Variants in BLTP3A observed in about 807,000 individuals in gnomAD.
BLTP3A encodes the protein ICBP90 binding protein 1.
chr6:34,872,322 C>T, the BLTP3A span: 1 of 1,606,148 alleles, frequency 6.2e-7, no homozygotes. Context: ...GGTGAAAGAA[C>T]TGCCTATCCT....
the BLTP3A span, among the ~76,000 whole-genome samples, chr6:34,824,510 A>G: frequency 6.8e-6 from 1 of 148,076 alleles, no homozygotes; most frequent in Non-Finnish European, 1.5e-5. Context: ...GTGAGCCGAG[A>G]TCGCGCCATT....
chr6:34,858,568 C>G, the BLTP3A span: 3 of 1,614,212 alleles, frequency 1.9e-6, no homozygotes, highest in Non-Finnish European at 2.5e-6. Context: ...GCAGCAAGCC[C>G]AGGCACGGAA....
the BLTP3A span, among the ~76,000 whole-genome samples, chr6:34,860,937 C>G: frequency 1.3e-5 from 2 of 152,154 alleles, no homozygotes; most frequent in African/African-American, 4.8e-5. Context: ...TCCTCAGTCC[C>G]CCTTCTCCTG....
chr6:34,845,405 C>T, the BLTP3A span, among the ~76,000 whole-genome samples: 1,293 of 152,006 alleles, frequency 8.5e-3, 18 homozygotes, highest in African/African-American at 0.027. Context: ...CCCATTTCTG[C>T]GAAGAATATC....
At chr6:34,792,175 G>C in the BLTP3A span, 1 of 1,369,292 alleles carries the variant, frequency 7.3e-7, no homozygotes, top group Non-Finnish European at 9.6e-7. Flanking sequence ...CGAGGTGAGG[G>C]GACCGCCTCT....
chr6:34,828,607 A>C, the BLTP3A span, among the ~76,000 whole-genome samples: 1 of 152,030 alleles, frequency 6.6e-6, no homozygotes, highest in South Asian at 2.1e-4. Context: ...CTGTTGATGG[A>C]TATTTGGATT....
the BLTP3A span, among the ~76,000 whole-genome samples, chr6:34,845,104 A>C: frequency 5.9e-5 from 9 of 152,212 alleles, no homozygotes; most frequent in African/African-American, 4.8e-5. Context: ...CATTTATTGA[A>C]AAGACCATCC....
chr6:34,859,074 A>G, the BLTP3A span: 3 of 1,614,226 alleles, frequency 1.9e-6, no homozygotes, highest in Non-Finnish European at 1.7e-6. Context: ...TCGTAGATTC[A>G]GAGCTATCTC....
the BLTP3A span, chr6:34,867,141 T>G: frequency 7.1e-7 from 1 of 1,407,702 alleles, no homozygotes. Context: ...TTTGTTTTAT[T>G]TTTACAGTTG....
At chr6:34,821,505 G>A in the BLTP3A span, 1 of 745,512 alleles carries the variant, frequency 1.3e-6, no homozygotes, top group Admixed American at 3.0e-5. Context: ...AGTTTTCTGT[G>A]TTCCTTCACT....
At chr6:34,864,090 G>A in the BLTP3A span, 3 of 1,614,134 alleles carry the variant, frequency 1.9e-6, no homozygotes, top group Admixed American at 3.3e-5. Context: ...GAAGAGGACG[G>A]TATCTCAACA....
At chr6:34,795,323 C>T in the BLTP3A span, among the ~76,000 whole-genome samples, 1 of 152,148 alleles carries the variant, frequency 6.6e-6, no homozygotes, top group Non-Finnish European at 1.5e-5. Flanking sequence ...TCAAGGAATC[C>T]TGCCTCAGCC....
chr6:34,813,908 C>T, the BLTP3A span, among the ~76,000 whole-genome samples: 1 of 152,206 alleles, frequency 6.6e-6, no homozygotes, highest in African/African-American at 2.4e-5. Context: ...ACTTGGGCCT[C>T]TTATATAATT....
At chr6:34,802,338 C>T in the BLTP3A span, among the ~76,000 whole-genome samples, 2 of 151,012 alleles carry the variant, frequency 1.3e-5, no homozygotes, top group Non-Finnish European at 2.9e-5. Flanking sequence ...TCCTGAGTAG[C>T]TGGGATTACA....
the BLTP3A span, chr6:34,859,110 T>A: frequency 6.2e-7 from 1 of 1,614,164 alleles, no homozygotes; most frequent in Non-Finnish European, 8.5e-7. Flanking sequence ...AACTGAAGTC[T>A]GATGCCTCAT....
the BLTP3A span, among the ~76,000 whole-genome samples, chr6:34,814,559 T>C: frequency 6.6e-6 from 1 of 152,198 alleles, no homozygotes; most frequent in Non-Finnish European, 1.5e-5. Flanking sequence ...TTCGAGTGCT[T>C]GAAGAACTCT....
chr6:34,843,340 TTA>T, the BLTP3A span, among the ~76,000 whole-genome samples: 2 of 152,192 alleles, frequency 1.3e-5, no homozygotes, highest in African/African-American at 2.4e-5. Flanking sequence ...AGAAAATAGT[TTA>T]TGTTTTATTA....
chr6:34,857,066 C>G, the BLTP3A span: 1 of 1,234,226 alleles, frequency 8.1e-7, no homozygotes, highest in African/African-American at 1.5e-5. Context: ...TGGTCTGTTT[C>G]TTTCTGAGCA....
chr6:34,846,110 C>G, the BLTP3A span, among the ~76,000 whole-genome samples: 2 of 123,084 alleles, frequency 1.6e-5, no homozygotes, highest in Non-Finnish European at 3.4e-5. Flanking sequence ...CTCCCCTCCC[C>G]TCCCTTTCCC....
Sources: gnomAD v4.1 joint callset for allele counts (sites outside exome capture counted in the v4.1 genomes callset) on GRCh38, gnomAD v4.1.1 for gene constraint, MANE v1.5 for transcripts, NCBI Gene and HGNC (gene_info 2026-07-23, HGNC 2026-07-21) for gene names.